The following RNF17 variants were observed in gnomAD, a reference collection of about 807,000 sequenced individuals.
RNF17 encodes the protein ring finger protein 17.
In RNF17, 31 loss-of-function variants were observed where a neutral mutation model predicts 200.5. The observed-to-expected ratio is 0.15, with a 90% CI of 0.12 to 0.21. The LOEUF is 0.21. Among genes scored for constraint, RNF17 ranks in the 10% least tolerant of loss-of-function variants. The probability of loss-of-function intolerance (pLI) is 1.00; values close to 1 mark genes in which losing one functional copy is unlikely to be tolerated. For missense variants in RNF17, 1,628 were observed against 1,905.1 expected (o/e 0.85, Z 2.71); for synonymous variants, 606 against 637.8 (o/e 0.95, Z 0.75).
At chr13:24,883,791 G>GA (rs1375728025), downstream of RNF17, among the ~76,000 whole-genome samples, 1 of 152,172 alleles carries the variant, frequency 6.6e-6, no homozygotes, top group East Asian at 1.9e-4. Flanking sequence ...AGGAGAATGT[G>GA]AAAAATAATT....
chr13:24,788,214 T>A, intron 7 of RNF17, 55 bp downstream of exon 7: 1 of 1,328,342 alleles, frequency 7.5e-7, no homozygotes, highest in African/African-American at 1.5e-5. Flanking sequence ...TTTTACATGC[T>A]TTGGAATATA....
At chr13:24,814,921 G>A (rs1887197837) in intron 15 of RNF17, among the ~76,000 whole-genome samples, 1 of 152,158 alleles carries the variant, frequency 6.6e-6, no homozygotes, top group African/African-American at 2.4e-5. Context: ...ATTATCATTT[G>A]CTAATGTATT....
At chr13:24,764,584 G>A (rs981045113) in intron 1 of RNF17, among the ~76,000 whole-genome samples, 5 of 152,234 alleles carry the variant, frequency 3.3e-5, no homozygotes, top group African/African-American at 7.2e-5. Flanking sequence ...CCTCCAGCCG[G>A]GAGGATGGGG....
At chr13:24,831,303 G>C (rs937429637) in intron 17 of RNF17, among the ~76,000 whole-genome samples, 4 of 152,012 alleles carry the variant, frequency 2.6e-5, no homozygotes, top group African/African-American at 9.7e-5. Flanking sequence ...TTAGCTGGGC[G>C]TGGTGGTGTG....
At chr13:24,861,482 G>T (rs1045868207) in intron 27 of RNF17, 95 bp downstream of exon 27, 9 of 899,560 alleles carry the variant, frequency 1.0e-5, no homozygotes, top group African/African-American at 1.8e-5. Flanking sequence ...TGAAATTTCA[G>T]TTGCAACAAA....
intron 18 of RNF17, among the ~76,000 whole-genome samples, chr13:24,837,518 T>C (rs1219239231): frequency 3.9e-5 from 6 of 151,970 alleles, no homozygotes; most frequent in African/African-American, 1.5e-4. Flanking sequence ...CACAGTGAAA[T>C]AAAACTGGAA....
intron 15 of RNF17, among the ~76,000 whole-genome samples, chr13:24,822,617 C>T (rs539320245): frequency 1.4e-4 from 21 of 152,192 alleles, no homozygotes; most frequent in South Asian, 4.2e-4. Context: ...GATGGGGTTT[C>T]GCCATGTTGG....
the RNF17 span, chr13:24,886,313 G>A: frequency 7.8e-7 from 1 of 1,289,086 alleles, no homozygotes; most frequent in African/African-American, 1.5e-5. Flanking sequence ...ACGGGAGAAT[G>A]GCCTGAAGGA....
chr13:24,749,168 A>T, the RNF17 span, among the ~76,000 whole-genome samples: 3 of 152,222 alleles, frequency 2.0e-5, no homozygotes, highest in Non-Finnish European at 2.9e-5. Context: ...GGGAATTTTT[A>T]AAAATTACTG....
chr13:24,886,703 A>T, the RNF17 span, among the ~76,000 whole-genome samples: 1 of 152,308 alleles, frequency 6.6e-6, no homozygotes, highest in East Asian at 1.9e-4. Context: ...ACTAAACTAT[A>T]ACTAAAGCTG....
chr13:24,838,093 G>A (rs1459049444), intron 18 of RNF17, among the ~76,000 whole-genome samples: 1 of 152,144 alleles, frequency 6.6e-6, no homozygotes, highest in Non-Finnish European at 1.5e-5. Context: ...AAACCTAGAA[G>A]AGATTGGATA....
In RNF17 at chr13:24,769,271, A is replaced by T. The variant is rs1401491495; in HGVS notation, c.225+1905A>T. Among the ~76,000 whole-genome samples the T allele has an allele frequency of 1.3e-5, 2 of 151,982 alleles. 1 individual carries two copies. On this transcript the variant is annotated intron_variant, in intron 2 of 35. Coordinates refer to ENST00000255324, the MANE Select transcript of RNF17 (RefSeq NM_031277.3). ...TTGTACTATTTTTGGGATTTTGGAT[A>T]ATGTGTAGGAGTGTTTATAATGTGT...
chr13:24,868,627 C>T lies in RNF17; in HGVS notation c.4189C>T (p.Pro1397Ser). 6.2e-7 allele frequency: 1 copy of T among 1,608,042 alleles called. No homozygotes were observed. The highest frequency in any genetic ancestry group is 8.5e-7 in the Non-Finnish European group (1 of 1,174,638). The part of the protein sequence containing the change: ...EELLSAETDT[P>S]LLPPYLSSSL... ...ATTGCTTTCGGCTGAAACAGACACT[C>T]CTCTTTTACCACCATATTTGTCTTC... The change falls in exon 31 of 36, where the codon CCT becomes TCT. Residue 1397 changes from proline (P) to serine (S), a missense_variant. This residue lies in a region of RNF17 where 609 missense variants were observed against 681.9 expected (regional missense o/e 0.89). Coordinates refer to ENST00000255324, the MANE Select transcript of RNF17 (RefSeq NM_031277.3).
rs1345760639 is a variant in RNF17 at position 24,788,008 on chromosome 13, A to G, written c.632A>G (p.Glu211Gly). Residue 211 changes from glutamate (E) to glycine (G), a missense_variant, in exon 7 of 36, where the codon GAA (glutamate) becomes GGA (glycine). By Grantham distance (98) the Glu-to-Gly change is moderately conservative. Coordinates refer to ENST00000255324, the MANE Select transcript of RNF17 (RefSeq NM_031277.3). ...TGAAGGAAAAAGAACCTGTGTGAAG[A>G]ATTTGCAAGAACTACTGATGATTAT... is the stretch of plus-strand genomic sequence containing the variant. Reference protein sequence around the residue: ...FDSRKKNLCEEFARTTDDYLS... With the variant: ...FDSRKKNLCEGFARTTDDYLS... The G allele has an allele frequency of 6.4e-7, 1 of 1,561,694 alleles. No individual in the cohort carries two copies. Among genetic ancestry groups the G allele is most frequent in the African/African-American group, 1.4e-5 (1 of 71,814 alleles).
At chr13:24,772,955 T>G (rs976280469) in intron 2 of RNF17, among the ~76,000 whole-genome samples, 1 of 151,978 alleles carries the variant, frequency 6.6e-6, no homozygotes, top group African/African-American at 2.4e-5. Flanking sequence ...CCAATAAACA[T>G]GAAAAAATGC....
chr13:24,885,793 G>T, the RNF17 span: 1 of 729,468 alleles, frequency 1.4e-6, no homozygotes, highest in Non-Finnish European at 2.4e-6. Flanking sequence ...AGTTAAGGAT[G>T]TCTTAATATT....
At chr13:24,824,424 G>A in intron 15 of RNF17, 1 of 376,712 alleles carries the variant, frequency 2.7e-6, no homozygotes, top group Non-Finnish European at 4.7e-6. Context: ...ACAAGATAAG[G>A]ATTCAGAAAA....
chr13:24,808,836 TGA>T, intron 15 of RNF17, among the ~76,000 whole-genome samples: 1 of 101,868 alleles, frequency 9.8e-6, no homozygotes, highest in African/African-American at 3.9e-5. Flanking sequence ...CCTAATTTAT[TGA>T]GAGTTTTTAG....
intron 27 of RNF17, among the ~76,000 whole-genome samples, chr13:24,861,690 TAA>T (rs535546210): frequency 2.6e-5 from 4 of 152,354 alleles, no homozygotes; most frequent in Admixed American, 2.6e-4. Flanking sequence ...GGAGATCAGA[TAA>T]AAGAGTGTCT....
Sources: gnomAD v4.1 joint callset for allele counts (sites outside exome capture counted in the v4.1 genomes callset) on GRCh38, gnomAD v4.1.1 for gene constraint, gnomAD v4.1.1 regional missense constraint, MANE v1.5 for transcripts, NCBI Gene and HGNC (gene_info 2026-07-23, HGNC 2026-07-21) for gene names.